The following TEAD1 variants were observed in gnomAD, a reference collection of about 807,000 sequenced individuals.
TEAD1 encodes transcriptional enhancer factor TEF-1.
Under a neutral mutation model 54.9 loss-of-function variants are expected in TEAD1, and 9 were observed. The ratio of observed to expected loss-of-function variants is 0.16; its 90% confidence interval spans 0.10 to 0.29. TEAD1 has a LOEUF of 0.29. TEAD1 is among the 10% of genes least tolerant of loss of function. The pLI, the probability that TEAD1 is intolerant of heterozygous loss-of-function variation, is 1.00. For missense variants in TEAD1, 387 were observed against 535.9 expected (o/e 0.72, Z 2.74); for synonymous variants, 200 against 187.8 (o/e 1.07, Z -0.53).
rs533387207 is a variant in TEAD1, at chr11:12,943,754, T to C, written c.*6532T>C. The C allele has an allele frequency of 7.9e-5, 12 of 152,162 alleles. No individual in the cohort carries two copies. Among genetic ancestry groups the C allele is most frequent in the Non-Finnish European group, 1.3e-4 (9 of 68,040 alleles). 9.4% of individuals were successfully genotyped at this position (152,162 alleles called of 1,614,324 possible). ...TCAATTGGAAACCAGTCTCTGATTT[T>C]TTTTCATTAGTTATTTTCTATCATT... On this transcript the variant is annotated 3_prime_UTR_variant, in exon 13 of 13. Transcript: ENST00000527636.
At chr11:12,764,529 T>A in intron 3 of TEAD1, 95 bp downstream of exon 3, 1 of 1,417,664 alleles carries the variant, frequency 7.1e-7, no homozygotes, top group East Asian at 2.3e-5. Context: ...CTGTTCATTG[T>A]ATGGGGTTGA....
chr11:12,715,524 C>G (rs999081763), intron 2 of TEAD1, among the ~76,000 whole-genome samples: 1 of 152,040 alleles, frequency 6.6e-6, no homozygotes, highest in Non-Finnish European at 1.5e-5. Context: ...CCTGGGGAAG[C>G]TTGTTTCTGG....
intron 3 of TEAD1, among the ~76,000 whole-genome samples, chr11:12,800,467 G>C (rs1422664779): frequency 6.6e-6 from 1 of 152,170 alleles, no homozygotes; most frequent in Non-Finnish European, 1.5e-5. Flanking sequence ...ACCAGCTGGG[G>C]AGACTGACAG....
intron 3 of TEAD1, among the ~76,000 whole-genome samples, chr11:12,792,466 C>T (rs1188468389): frequency 6.6e-6 from 1 of 151,214 alleles, no homozygotes; most frequent in African/African-American, 2.4e-5. Flanking sequence ...AGTTTGCCTT[C>T]GTTGATATAA....
At chr11:12,843,100 C>G (rs926601717) in intron 3 of TEAD1, among the ~76,000 whole-genome samples, 4 of 152,050 alleles carry the variant, frequency 2.6e-5, no homozygotes, top group African/African-American at 7.2e-5. Context: ...GTTTTAAGTC[C>G]TTTAAGTCAT....
chr11:12,674,869 G>A (rs1305899823), intron 1 of TEAD1, 35 bp downstream of exon 1: 1 of 150,634 alleles, frequency 6.6e-6, no homozygotes, highest in Non-Finnish European at 1.5e-5. Flanking sequence ...CTGGGGTGCG[G>A]GGGGCGCACG....
At position 12,924,947 on chromosome 11, in the gene TEAD1, G is replaced by C. The variant is rs2134163021; in HGVS notation, c.909G>C (p.Gly303=). The change falls in exon 11 of 13, where the codon GGG becomes GGC. Residue 303 remains glycine, a synonymous_variant. Transcript: ENST00000527636. Reference sequence around the variant, plus strand: ...ACTGCAATATTCAAGATGATGCTGGGGCTTTTTATGGTGTAACCAGTCAGT... The same window carrying C: ...ACTGCAATATTCAAGATGATGCTGGCGCTTTTTATGGTGTAACCAGTCAGT... 1.2e-6 allele frequency: 2 copies of C among 1,614,116 alleles called. No individual in the cohort carries two copies. Among genetic ancestry groups the C allele is most frequent in the Non-Finnish European group, 1.7e-6 (2 of 1,180,018 alleles).
intron 2 of TEAD1, among the ~76,000 whole-genome samples, chr11:12,698,022 C>CAA (rs1409217799): frequency 1.6e-4 from 10 of 61,220 alleles, no homozygotes; most frequent in East Asian, 4.7e-4. Context: ...AACTCCGTCT[C>CAA]AAAAAAAAAA....
intron 2 of TEAD1, among the ~76,000 whole-genome samples, chr11:12,681,273 A>G (rs557874616): frequency 4.6e-5 from 7 of 152,342 alleles, no homozygotes; most frequent in Admixed American, 4.6e-4. Context: ...CTTTTGCTTT[A>G]AATATTGAAG....
chr11:12,943,828 T>C lies in TEAD1; in HGVS notation c.*6606T>C, dbSNP rs1213460900. 2 of 152,096 alleles carry C rather than the reference T, an allele frequency of 1.3e-5. No homozygotes were observed. Among genetic ancestry groups the C allele is most frequent in the Non-Finnish European group, 2.9e-5 (2 of 67,998 alleles). 9.4% of individuals were successfully genotyped at this position (152,096 alleles called of 1,614,324 possible). A position where few individuals can be genotyped will look rare whatever the true frequency, so the allele number is the denominator to read the frequency against. ...TCAACTGCACTTCTTTAAAAAAAAA[T>C]ACATCTCCCTATTACCTCCTTGAAA... On this transcript the variant is annotated 3_prime_UTR_variant, in exon 13 of 13. Transcript: ENST00000527636.
At chr11:12,875,227 C>T (rs896240938) in intron 5 of TEAD1, among the ~76,000 whole-genome samples, 8 of 152,174 alleles carry the variant, frequency 5.3e-5, no homozygotes, top group African/African-American at 1.9e-4. Flanking sequence ...GATAGATTAG[C>T]CTCCTCCCCT....
At chr11:12,822,217 C>T (rs2134005013) in intron 3 of TEAD1, among the ~76,000 whole-genome samples, 1 of 152,244 alleles carries the variant, frequency 6.6e-6, no homozygotes, top group East Asian at 1.9e-4. Flanking sequence ...CCGCCTCGGC[C>T]TCCCGAAGTG....
chr11:12,806,950 A>T (rs1471035477), intron 3 of TEAD1, among the ~76,000 whole-genome samples: 2 of 152,216 alleles, frequency 1.3e-5, no homozygotes, highest in East Asian at 1.9e-4. Flanking sequence ...GGCAAAAAAA[A>T]TTACAAAATA....
At chr11:12,752,997 C>T (rs1052811050) in intron 2 of TEAD1, among the ~76,000 whole-genome samples, 2 of 151,406 alleles carry the variant, frequency 1.3e-5, no homozygotes, top group African/African-American at 4.9e-5. Flanking sequence ...GCGCCACCAA[C>T]ACCCAGCTAA....
chr11:12,770,373 G>T (rs970412508), intron 3 of TEAD1, among the ~76,000 whole-genome samples: 1 of 152,222 alleles, frequency 6.6e-6, no homozygotes, highest in Admixed American at 6.5e-5. Flanking sequence ...ACCAAGTTAT[G>T]CTTTCCAACA....
chr11:12,763,216 G>A (rs976790270), intron 2 of TEAD1, among the ~76,000 whole-genome samples: 2 of 152,192 alleles, frequency 1.3e-5, no homozygotes, highest in African/African-American at 4.8e-5. Context: ...AATTTAAGGG[G>A]AATAAATCTT....
At chr11:12,922,919 G>A (rs1243947389) in intron 10 of TEAD1, 2 of 73,650 alleles carry the variant, frequency 2.7e-5, no homozygotes, top group African/African-American at 1.2e-4. Flanking sequence ...GCCAGACCCT[G>A]TCTCAAAAAA....
chr11:12,796,191 G>A lies in TEAD1; in HGVS notation c.202+31757G>A, dbSNP rs182374733. 6.4e-4 allele frequency among the ~76,000 whole-genome samples: 97 copies of A among 152,272 alleles called. 2 individuals carry two copies. The highest frequency in any genetic ancestry group is 2.2e-3 in the African/African-American group (92 of 41,552). ...TTTTTTTCTGACTTTACCTCTTACA[G>A]ATACTAAGTGTTGGGTAGCAACCTA... On this transcript the variant is annotated intron_variant, in intron 3 of 12. Coordinates refer to ENST00000527636, the MANE Select transcript of TEAD1 (RefSeq NM_021961.6).
Position 12,937,590 on chromosome 11 carries a change from G to T in TEAD1, c.*368G>T. ...AATATTGAGACAGAGCATTTGCCAT[G>T]GGACATTTACAGCCTTTATACAAAT... is the stretch of plus-strand genomic sequence containing the variant. On this transcript the variant is annotated 3_prime_UTR_variant, in exon 13 of 13. Coordinates refer to ENST00000527636, the MANE Select transcript of TEAD1 (RefSeq NM_021961.6). The T allele has an allele frequency of 5.9e-6, 1 of 168,936 alleles. No homozygotes were observed. Among genetic ancestry groups the T allele is most frequent in the Non-Finnish European group, 1.3e-5 (1 of 76,748 alleles). The allele number at this position is 168,936 out of a possible 1,614,324, so 10.5% of individuals were successfully genotyped here.
Sources: allele counts gnomAD v4.1 joint callset (sites outside exome capture counted in the v4.1 genomes callset), GRCh38; gene constraint gnomAD v4.1.1; transcripts MANE v1.5; gene names NCBI Gene and HGNC (gene_info 2026-07-23, HGNC 2026-07-21).